The following BICRA variants were observed in gnomAD, a reference collection of about 807,000 sequenced individuals.
The protein encoded by BICRA is BRD4 interacting chromatin remodeling complex associated protein, also known as BRD4-interacting chromatin-remodeling complex-associated protein.
A neutral mutation model predicts 96.9 loss-of-function variants in BICRA; 31 were observed. That is an observed-to-expected ratio of 0.32 (90% CI 0.24 to 0.43). BICRA has a LOEUF of 0.43. BICRA is among the 20% of genes least tolerant of loss of function. BICRA has a pLI of 1.00. For synonymous variants in BICRA, 1,350 were observed against 1,071.8 expected (o/e 1.26, Z -5.07); for missense variants, 2,283 against 2,190.3 (o/e 1.04, Z -0.84).
intron 1 of BICRA, among the ~76,000 whole-genome samples, chr19:47,651,075 T>C (rs1396505189): frequency 6.6e-6 from 1 of 152,158 alleles, no homozygotes; most frequent in Non-Finnish European, 1.5e-5. Context: ...GCTGTCACCA[T>C]GTCTCCTGCC....
In BICRA at chr19:47,694,707, T is replaced by G. The variant is rs759978513; in HGVS notation, c.2876T>G (p.Leu959Arg). ...CCAGCGCTGCCCCAGCCGAAGGCTC[T>G]TCTCGAGAGATTTCACCAGGTAACG... The part of the protein sequence containing the change: ...PFPALPQPKA[L>R]LERFHQVPSG... The change falls in exon 8 of 15, where the codon CTT becomes CGT. Residue 959 changes from leucine to arginine, a missense_variant. Leu to Arg is a moderately radical substitution (Grantham distance 102). Coordinates refer to ENST00000594866, the MANE Select transcript of BICRA (RefSeq NM_001394372.1). 2.6e-6 allele frequency: 4 copies of G among 1,552,022 alleles called. No individual in the cohort carries two copies. In the African/African-American group the frequency reaches 5.5e-5, roughly 21 times the overall value.
At chr19:47,687,069 C>CT (rs1334410754) in intron 7 of BICRA, among the ~76,000 whole-genome samples, 2 of 152,118 alleles carry the variant, frequency 1.3e-5, no homozygotes, top group Non-Finnish European at 2.9e-5. Context: ...GCCAGGCAAA[C>CT]TTTCTTTTTG....
chr19:47,683,552 A>T (rs1456218328), intron 7 of BICRA, among the ~76,000 whole-genome samples: 1 of 151,472 alleles, frequency 6.6e-6, no homozygotes, highest in Non-Finnish European at 1.5e-5. Flanking sequence ...CATTATGCTT[A>T]CGAGTCATAA....
intron 1 of BICRA, among the ~76,000 whole-genome samples, chr19:47,612,513 G>A (rs967296440): frequency 1.3e-5 from 2 of 152,024 alleles, no homozygotes; most frequent in Non-Finnish European, 2.9e-5. Context: ...ACCTGCAAAC[G>A]AACAATTCCC....
chr19:47,670,104 C>T (rs777450802), intron 1 of BICRA, among the ~76,000 whole-genome samples: 1 of 151,892 alleles, frequency 6.6e-6, no homozygotes, highest in Non-Finnish European at 1.5e-5. Flanking sequence ...GGCAAGCGAC[C>T]ATGCCCAGCC....
chr19:47,690,087 C>T (rs1160596603), intron 7 of BICRA, among the ~76,000 whole-genome samples: 5 of 152,054 alleles, frequency 3.3e-5, no homozygotes, highest in Admixed American at 6.6e-5. Context: ...CTGCAACCTC[C>T]GCCTCCCAGG....
intron 7 of BICRA, among the ~76,000 whole-genome samples, chr19:47,683,078 C>T (rs1052940103): frequency 6.6e-6 from 1 of 152,144 alleles, no homozygotes; most frequent in Non-Finnish European, 1.5e-5. Context: ...CACTTCTGAT[C>T]TCTAGCTATT....
chr19:47,690,461 G>A (rs1973224291), intron 7 of BICRA, among the ~76,000 whole-genome samples: 1 of 152,164 alleles, frequency 6.6e-6, no homozygotes, highest in Admixed American at 6.6e-5. Context: ...ACCCCTAAGG[G>A]CAGTATATAC....
chr19:47,677,535 A>G (rs1202368012), intron 5 of BICRA, among the ~76,000 whole-genome samples: 1 of 152,084 alleles, frequency 6.6e-6, no homozygotes, highest in Non-Finnish European at 1.5e-5. Context: ...TGTCTCTACC[A>G]AAAATACAAA....
rs377496492 is a variant in BICRA at position 47,699,033 on chromosome 19, C to A, written c.3466C>A (p.Arg1156=). The A allele has an allele frequency of 2.2e-5, 35 of 1,579,656 alleles. No individual in the cohort carries two copies. The highest frequency in any genetic ancestry group is 2.4e-5 in the Non-Finnish European group (28 of 1,163,348). Residue 1156 remains arginine, a synonymous_variant, in exon 13 of 15, where the codon CGG becomes AGG. Coordinates refer to ENST00000594866, the MANE Select transcript of BICRA (RefSeq NM_001394372.1). The surrounding 1 kb of genome is among the most constrained non-coding windows in gnomAD (Gnocchi z 5.0). ...KRTQAMLNKY[R]LLLLEESRRV... The stretch of plus-strand genomic sequence containing the variant: ...CACCCAGGCCATGCTCAATAAATAT[C>A]GGCTCCTGCTCCTGGAGGAGTCCCG...
intron 1 of BICRA, among the ~76,000 whole-genome samples, chr19:47,657,849 G>C (rs532723229): frequency 4.6e-5 from 7 of 152,158 alleles, no homozygotes; most frequent in Middle Eastern, 3.4e-3. Context: ...AGATGTCTAG[G>C]AGAAGGCCAT....
Position 47,698,586 on chromosome 19 carries a change from T to TTCCC in BICRA, c.3249-48_3249-47insTCCC. The TTCCC allele has an allele frequency of 2.8e-6, 2 of 716,714 alleles. No homozygotes were observed. Among genetic ancestry groups the TTCCC allele is most frequent in the Non-Finnish European group, 2.5e-6 (1 of 392,850 alleles). 44.4% of individuals were successfully genotyped at this position (716,714 alleles called of 1,614,324 possible). A position where few individuals can be genotyped will look rare whatever the true frequency, so the allele number is the denominator to read the frequency against. ...AGGGACTTCCCCTGGCCCTCACCCG[T>TTCCC]CCCCCCCACCCTCCGCCGTGTGTGG... is the stretch of plus-strand genomic sequence containing the variant. On this transcript the variant is annotated intron_variant, in intron 11 of 14. Transcript: ENST00000594866. The surrounding 1 kb of genome is among the most constrained non-coding windows in gnomAD (Gnocchi z 4.8).
Position 47,657,603 on chromosome 19 carries a change from A to C in BICRA, c.-107-12840A>C, listed in dbSNP as rs182864888. ...AGTAAAGACGGAGTTTCACTGTGTT[A>C]GCCAGGATGGTCTCGATCTCCTGAC... On this transcript the variant is annotated intron_variant, in intron 1 of 14. Transcript: ENST00000594866. Among the ~76,000 whole-genome samples, 1,178 of 152,052 alleles carry C rather than the reference A, an allele frequency of 7.7e-3. 15 individuals carry two copies. The highest frequency in any genetic ancestry group is 0.019 in the South Asian group (91 of 4,806).
At chr19:47,612,413 CAA>C (rs1385123781) in intron 1 of BICRA, among the ~76,000 whole-genome samples, 2 of 135,514 alleles carry the variant, frequency 1.5e-5, no homozygotes, top group African/African-American at 2.7e-5. Context: ...GACCCTGTCT[CAA>C]AAAAAAAAAA....
rs1290988752 is a variant in BICRA at position 47,650,131 on chromosome 19, G to GT, written c.-107-20309dup. Among the ~76,000 whole-genome samples, 3 of 151,544 alleles carry GT rather than the reference G, an allele frequency of 2.0e-5. No individual in the cohort carries two copies. In the East Asian group the frequency reaches 5.8e-4, roughly 29 times the overall value. ...CCATGCCTGGCTAATTTTTTTGTTTGTTTGTTTGTTTGTTTTTTGAGGTGG... is the reference window on the plus strand; with the variant it reads ...CCATGCCTGGCTAATTTTTTTGTTTGTTTTGTTTGTTTGTTTTTTGAGGTGG... On this transcript the variant is annotated intron_variant, in intron 1 of 14. Coordinates refer to ENST00000594866, the MANE Select transcript of BICRA (RefSeq NM_001394372.1).
intron 1 of BICRA, among the ~76,000 whole-genome samples, chr19:47,632,947 C>T (rs913227830): frequency 5.9e-5 from 9 of 152,114 alleles, no homozygotes; most frequent in Middle Eastern, 3.4e-3. Context: ...TGCAAGGGTT[C>T]GGCTCAGTGA....
In BICRA at chr19:47,701,201, A is replaced by G. The variant is rs1973435767; in HGVS notation, c.3596-127A>G. 1 of 672,010 alleles carries G rather than the reference A, an allele frequency of 1.5e-6. No homozygotes were observed. Among genetic ancestry groups the G allele is most frequent in the Non-Finnish European group, 2.6e-6 (1 of 383,262 alleles). 41.6% of individuals were successfully genotyped at this position (672,010 alleles called of 1,614,324 possible). On this transcript the variant is annotated intron_variant, in intron 14 of 14. Coordinates refer to ENST00000594866, the MANE Select transcript of BICRA (RefSeq NM_001394372.1). The surrounding 1 kb of genome is among the most constrained non-coding windows in gnomAD (Gnocchi z 5.4). ...GGGTCTCACCAAGCCTATCCTGAGG[A>G]TTGGAGGGTCCAGGGTGCAGTCTGG...
At chr19:47,656,186 A>C (rs1972616188) in intron 1 of BICRA, among the ~76,000 whole-genome samples, 1 of 151,828 alleles carries the variant, frequency 6.6e-6, no homozygotes, top group African/African-American at 2.4e-5. Context: ...ATGAGCCTGG[A>C]AGGTCAAGGC....
intron 1 of BICRA, among the ~76,000 whole-genome samples, chr19:47,629,193 C>T (rs902872189): frequency 4.0e-5 from 6 of 151,694 alleles, no homozygotes; most frequent in Admixed American, 1.3e-4. Context: ...TTAGTAGAGA[C>T]GGGGTTTCAC....
Sources: allele counts gnomAD v4.1 joint callset (sites outside exome capture counted in the v4.1 genomes callset), GRCh38; gene constraint gnomAD v4.1.1; non-coding constraint Gnocchi (gnomAD v3.1); transcripts MANE v1.5; gene names NCBI Gene and HGNC (gene_info 2026-07-23, HGNC 2026-07-21).